The following ST6GAL2 variants were observed in gnomAD, a reference collection of about 807,000 sequenced individuals.
ST6GAL2 encodes ST6 beta-galactoside alpha-2,6-sialyltransferase 2.
A neutral mutation model predicts 37.5 loss-of-function variants in ST6GAL2; 24 were observed. That is an observed-to-expected ratio of 0.64 (90% CI 0.46 to 0.90). The LOEUF (loss-of-function observed/expected upper bound fraction) is 0.90, where lower values mean the gene tolerates loss of function less well. Among genes scored for constraint, ST6GAL2 ranks in the 40% least tolerant of loss-of-function variants. The probability of loss-of-function intolerance (pLI) is 0.00; values close to 1 mark genes in which losing one functional copy is unlikely to be tolerated. For synonymous variants in ST6GAL2, 306 were observed against 295.1 expected (o/e 1.04, Z -0.38); for missense variants, 715 against 712.7 (o/e 1.00, Z -0.04).
intron 1 of ST6GAL2, among the ~76,000 whole-genome samples, chr2:106,857,897 T>C (rs1677643168): frequency 1.3e-5 from 2 of 152,266 alleles, no homozygotes; most frequent in Middle Eastern, 3.4e-3. Flanking sequence ...AGGTGTTTTC[T>C]CTCCAGTCTA....
intron 1 of ST6GAL2, among the ~76,000 whole-genome samples, chr2:106,869,156 C>T (rs1355820162): frequency 6.6e-6 from 1 of 151,968 alleles, no homozygotes; most frequent in Non-Finnish European, 1.5e-5. Context: ...ACAGAATATT[C>T]CACAAGTACA....
chr2:106,829,003 C>T (rs1247623071), intron 5 of ST6GAL2, among the ~76,000 whole-genome samples: 1 of 152,118 alleles, frequency 6.6e-6, no homozygotes, highest in East Asian at 1.9e-4. Flanking sequence ...GCATACTCTT[C>T]GGTTAAGAGA....
intron 3 of ST6GAL2, 118 bp from the exon 4 acceptor site, chr2:106,832,784 TA>T (rs1383986171): frequency 1.4e-6 from 1 of 720,256 alleles, no homozygotes; most frequent in Non-Finnish European, 2.5e-6. Flanking sequence ...TCAGACGTTG[TA>T]TTTTCTTCTG....
chr2:106,818,155 A>G (rs181263607), intron 5 of ST6GAL2, among the ~76,000 whole-genome samples: 165 of 152,304 alleles, frequency 1.1e-3, no homozygotes, highest in African/African-American at 3.7e-3. Context: ...CACTAGCCTG[A>G]AGGGAAGGAC....
Position 106,806,585 on chromosome 2 carries a change from C to T in ST6GAL2, c.*93G>A. On this transcript the variant is annotated 3_prime_UTR_variant, in exon 6 of 6. Coordinates refer to ENST00000409382, the MANE Select transcript of ST6GAL2 (RefSeq NM_001142351.2). Reference sequence around the variant, plus strand: ...TAAATTACTGTTTAAAGACTCAAAACTACACTGTCTAAAATCTATCTTCAA... The same window carrying T: ...TAAATTACTGTTTAAAGACTCAAAATTACACTGTCTAAAATCTATCTTCAA... 1.4e-6 allele frequency: 2 copies of T among 1,424,570 alleles called. No homozygotes were observed. Among genetic ancestry groups the T allele is most frequent in the Non-Finnish European group, 1.9e-6 (2 of 1,041,574 alleles). The allele number at this position is 1,424,570 out of a possible 1,614,324, so 88.2% of individuals were successfully genotyped here.
chr2:106,887,098 C>T (rs1215119500), upstream of ST6GAL2: 1 of 152,298 alleles, frequency 6.6e-6, no homozygotes, highest in Admixed American at 6.5e-5. Context: ...CGGCGCCTGC[C>T]CCGGCGGAAG....
chr2:106,819,238 T>A (rs777270960), intron 5 of ST6GAL2, among the ~76,000 whole-genome samples: 10 of 151,566 alleles, frequency 6.6e-5, no homozygotes, highest in Non-Finnish European at 1.2e-4. Context: ...AATATTCAAG[T>A]ACAAGATTAT....
intron 1 of ST6GAL2, among the ~76,000 whole-genome samples, chr2:106,884,906 C>CATATATATATATATATATATATATAT (rs772381082): frequency 1.3e-5 from 1 of 76,494 alleles, no homozygotes; most frequent in East Asian, 3.2e-4. Context: ...ATTTGCAGCG[C>CATATATATATATATATATATATATAT]ATATATATAT....
At chr2:106,883,732 T>C (rs1678844293) in intron 1 of ST6GAL2, among the ~76,000 whole-genome samples, 1 of 149,072 alleles carries the variant, frequency 6.7e-6, no homozygotes, top group South Asian at 2.1e-4. Flanking sequence ...AAGATCATAT[T>C]ACAGAAAATC....
chr2:106,857,187 C>T (rs7602038), intron 1 of ST6GAL2, among the ~76,000 whole-genome samples: 8,056 of 152,220 alleles, frequency 0.053, 673 homozygotes, highest in African/African-American at 0.18. Context: ...TGCTAAGGAC[C>T]TAACATCTTG....
intron 1 of ST6GAL2, among the ~76,000 whole-genome samples, chr2:106,849,011 C>T (rs995321990): frequency 1.3e-4 from 20 of 152,284 alleles, no homozygotes; most frequent in Admixed American, 6.5e-4. Flanking sequence ...ATGGAAAATG[C>T]TGTGATTCTG....
At chr2:106,816,889 G>A (rs1675821911) in intron 5 of ST6GAL2, among the ~76,000 whole-genome samples, 1 of 152,210 alleles carries the variant, frequency 6.6e-6, no homozygotes, top group Non-Finnish European at 1.5e-5. Flanking sequence ...CAGCAGGGAG[G>A]AGAATCTGTG....
chr2:106,813,107 A>C, intron 5 of ST6GAL2: 9 of 1,107,754 alleles, frequency 8.1e-6, no homozygotes, highest in Non-Finnish European at 1.0e-5. Flanking sequence ...AGTTTCTTAT[A>C]TGGCCAGTTT....
chr2:106,871,112 C>T (rs576044082), intron 1 of ST6GAL2, among the ~76,000 whole-genome samples: 10 of 152,264 alleles, frequency 6.6e-5, no homozygotes, highest in South Asian at 4.1e-4. Flanking sequence ...AGGCTGCAAA[C>T]GTGTACAGCA....
rs562939449 is a variant in ST6GAL2, at chr2:106,803,655, A to G, written c.*3023T>C. On this transcript the variant is annotated 3_prime_UTR_variant, in exon 6 of 6. Coordinates refer to ENST00000409382, the MANE Select transcript of ST6GAL2 (RefSeq NM_001142351.2). ...CAACAACAACAACAACAACAACAAC[A>G]ACAGGTGAAATTATCTTGAAATACA... 6.7e-6 allele frequency: 1 copy of G among 149,282 alleles called. No homozygotes were observed. Among genetic ancestry groups the G allele is most frequent in the African/African-American group, 2.5e-5 (1 of 40,612 alleles). 9.2% of individuals were successfully genotyped at this position (149,282 alleles called of 1,614,324 possible).
intron 1 of ST6GAL2, among the ~76,000 whole-genome samples, chr2:106,866,442 C>T (rs1231101765): frequency 6.6e-6 from 1 of 152,214 alleles, no homozygotes; most frequent in Non-Finnish European, 1.5e-5. Context: ...TTAAAGTTGT[C>T]TAACATTCAT....
chr2:106,815,085 T>C (rs1300699695), intron 5 of ST6GAL2, among the ~76,000 whole-genome samples: 4 of 152,226 alleles, frequency 2.6e-5, no homozygotes, highest in South Asian at 4.1e-4. Context: ...AATTCCTTTA[T>C]TGCTTCTCTA....
chr2:106,862,677 G>A (rs984459085), intron 1 of ST6GAL2, among the ~76,000 whole-genome samples: 2 of 151,848 alleles, frequency 1.3e-5, no homozygotes, highest in African/African-American at 4.8e-5. Flanking sequence ...AAAATCATTA[G>A]TCCCAATTCT....
At chr2:106,879,922 C>G (rs901152302) in intron 1 of ST6GAL2, among the ~76,000 whole-genome samples, 2 of 147,586 alleles carry the variant, frequency 1.4e-5, no homozygotes, top group Non-Finnish European at 3.0e-5. Context: ...ATTATACTTA[C>G]AGACCAATTA....
Sources: allele counts gnomAD v4.1 joint callset (sites outside exome capture counted in the v4.1 genomes callset), GRCh38; gene constraint gnomAD v4.1.1; transcripts MANE v1.5; gene names NCBI Gene and HGNC (gene_info 2026-07-23, HGNC 2026-07-21).